Variants in SLC22A14 observed in about 807,000 individuals in gnomAD.
The protein encoded by SLC22A14 is solute carrier family 22 member 14.
A neutral mutation model predicts 53.9 loss-of-function variants in SLC22A14; 50 were observed. The ratio of observed to expected loss-of-function variants is 0.93; its 90% CI spans 0.74 to 1.17. The LOEUF is 1.17. Among genes scored for constraint, SLC22A14 ranks in the 50% most tolerant of loss-of-function variants. SLC22A14 has a pLI of 0.00. For missense variants in SLC22A14, 671 were observed against 734.7 expected (o/e 0.91, Z 1.00); for synonymous variants, 312 against 303.0 (o/e 1.03, Z -0.31).
rs1160114651 is a variant in SLC22A14 at position 38,316,543 on chromosome 3, T to C, written c.1733+19T>C. The C allele has an allele frequency of 1.9e-6, 3 of 1,609,952 alleles. No individual in the cohort carries two copies. The highest frequency in any genetic ancestry group is 1.1e-5 in the South Asian group (1 of 90,916). ...AGATAAGGTAGGTGTGGGAGCCTCC[T>C]GGGCTGTGCCAGCACGGGGCCTGGC... On this transcript the variant is annotated intron_variant, in intron 10 of 10. Coordinates refer to ENST00000448498, the MANE Select transcript of SLC22A14 (RefSeq NM_001320033.2).
intron 1 of SLC22A14, among the ~76,000 whole-genome samples, chr3:38,284,697 GA>G (rs971873237): frequency 2.0e-4 from 30 of 152,104 alleles, no homozygotes; most frequent in Admixed American, 1.8e-3. Context: ...ATACATGGAA[GA>G]ATGTCCCCTT....
At chr3:38,312,561 A>G (rs1280943801) in intron 5 of SLC22A14, among the ~76,000 whole-genome samples, 1 of 152,160 alleles carries the variant, frequency 6.6e-6, no homozygotes, top group Non-Finnish European at 1.5e-5. Context: ...CTGCCCCCTC[A>G]CACTCCTCAG....
rs818817 is a variant in SLC22A14, at chr3:38,309,052, A to G, written c.874A>G (p.Ser292Gly). 1,392,177 of 1,613,270 alleles carry G rather than the reference A, an allele frequency of 0.86. 601,582 individuals carry two copies. The highest frequency in any genetic ancestry group is 0.88 in the African/African-American group (65,720 of 75,018). The change falls in exon 5 of 11, where the codon AGT becomes GGT. Residue 292 changes from serine (S) to glycine (G), a missense_variant. By Grantham distance (56) the Ser-to-Gly change is moderately conservative (BLOSUM62 0). Coordinates refer to ENST00000448498, the MANE Select transcript of SLC22A14 (RefSeq NM_001320033.2). Reference protein sequence around the residue: ...GAVLLTGIAYSLPHWQLLFLV... With the variant: ...GAVLLTGIAYGLPHWQLLFLV... ...CGTGTTGCTGACAGGGATCGCCTAC[A>G]GTCTTCCCCACTGGCAGCTGCTGTT...
upstream of SLC22A14, among the ~76,000 whole-genome samples, chr3:38,281,173 C>T (rs1183920715): frequency 6.6e-6 from 1 of 152,150 alleles, no homozygotes; most frequent in Non-Finnish European, 1.5e-5. Flanking sequence ...TCTGATGCCC[C>T]AGATACCAAT....
At chr3:38,285,599 C>T (rs561884376) in intron 1 of SLC22A14, among the ~76,000 whole-genome samples, 37 of 152,338 alleles carry the variant, frequency 2.4e-4, no homozygotes, top group African/African-American at 8.7e-4. Context: ...TTTTGAGACT[C>T]ATACAGGTTG....
intron 1 of SLC22A14, among the ~76,000 whole-genome samples, chr3:38,285,409 G>A (rs1185133142): frequency 1.3e-5 from 2 of 152,142 alleles, no homozygotes; most frequent in African/African-American, 2.4e-5. Context: ...CCTCTTCCTT[G>A]ACATCATTCC....
At position 38,318,328 on chromosome 3, in the gene SLC22A14, G is replaced by A; in HGVS notation, c.*79G>A. On this transcript the variant is annotated 3_prime_UTR_variant, in exon 11 of 11. Transcript: ENST00000448498. Reference sequence around the variant, plus strand: ...ACCCTGTCTCCAACCCTGCCTTGAAGCAATTCAATAAAGAGGAAGCAAACA... The same window carrying A: ...ACCCTGTCTCCAACCCTGCCTTGAAACAATTCAATAAAGAGGAAGCAAACA... The A allele has an allele frequency of 1.5e-6, 2 of 1,345,042 alleles. No individual in the cohort carries two copies. The highest frequency in any genetic ancestry group is 2.3e-5 in the South Asian group (2 of 85,494). The allele number at this position is 1,345,042 out of a possible 1,614,324, so 83.3% of individuals were successfully genotyped here.
chr3:38,310,052 C>A (rs1704425680), intron 5 of SLC22A14, among the ~76,000 whole-genome samples: 1 of 152,078 alleles, frequency 6.6e-6, no homozygotes, highest in Admixed American at 6.5e-5. Context: ...TTTAACTGTA[C>A]CATATGTAGT....
intron 1 of SLC22A14, among the ~76,000 whole-genome samples, chr3:38,287,857 C>T (rs1405227556): frequency 1.3e-5 from 2 of 149,060 alleles, no homozygotes; most frequent in Non-Finnish European, 3.0e-5. Context: ...ACTTTTCTTT[C>T]TTCATATATT....
chr3:38,306,462 C>T lies in SLC22A14; in HGVS notation c.436C>T (p.Gln146Ter). The T allele has an allele frequency of 6.2e-7, 1 of 1,614,164 alleles. No individual in the cohort carries two copies. Among genetic ancestry groups the T allele is most frequent in the Non-Finnish European group, 8.5e-7 (1 of 1,180,018 alleles). The part of the protein sequence containing the change: ...PVPWNLDSII[Q>*]FGLNDTDTCQ... Reference sequence around the variant, plus strand: ...GCCTTGGAATCTGGATTCTATCATCCAGTTTGGCCTCAATGACACAGACAC... The same window carrying T: ...GCCTTGGAATCTGGATTCTATCATCTAGTTTGGCCTCAATGACACAGACAC... The change falls in exon 2 of 11, where the codon CAG becomes TAG. Residue 146 changes from glutamine (Q) to a stop codon, truncating the protein, a stop_gained. Transcript: ENST00000448498. LOFTEE classifies it high-confidence loss of function.
intron 1 of SLC22A14, 118 bp downstream of exon 1, chr3:38,282,457 T>C (rs1444242): frequency 6.6e-6 from 1 of 152,384 alleles, no homozygotes; most frequent in Non-Finnish European, 1.5e-5. Context: ...AGCACAGGTG[T>C]GGACAGGAGC....
At chr3:38,290,471 A>T (rs1298731707) in intron 1 of SLC22A14, among the ~76,000 whole-genome samples, 1 of 152,210 alleles carries the variant, frequency 6.6e-6, no homozygotes, top group Non-Finnish European at 1.5e-5. Flanking sequence ...AGAGACAGGG[A>T]TTGAAATGTA....
chr3:38,305,841 T>G (rs988835264), intron 1 of SLC22A14, 186 bp from the exon 2 acceptor site: 6 of 614,756 alleles, frequency 9.8e-6, no homozygotes, highest in Non-Finnish European at 1.7e-5. Flanking sequence ...TCCAGGATGG[T>G]TGGGCCAGGG....
At chr3:38,282,959 G>A (rs1703705678) in intron 1 of SLC22A14, among the ~76,000 whole-genome samples, 1 of 152,150 alleles carries the variant, frequency 6.6e-6, no homozygotes, top group Non-Finnish European at 1.5e-5. Context: ...TTATGGTTTT[G>A]GAGGTCAGAA....
At chr3:38,298,062 T>C (rs910769073) in intron 1 of SLC22A14, among the ~76,000 whole-genome samples, 1 of 152,210 alleles carries the variant, frequency 6.6e-6, no homozygotes, top group Non-Finnish European at 1.5e-5. Flanking sequence ...TATTCACTTA[T>C]TTATATTATT....
chr3:38,318,546 A>C lies in SLC22A14; in HGVS notation c.*297A>C. 8.5e-6 allele frequency: 3 copies of C among 353,910 alleles called. No homozygotes were observed. The South Asian group carries it at 1.4e-4, about 17-fold the overall frequency. The allele number at this position is 353,910 out of a possible 1,614,324, so 21.9% of individuals were successfully genotyped here. ...TTCTGCAGGAGCTCTGCTGTGATTC[A>C]TTCCAATAAAGGTACAATGTTGGTC... On this transcript the variant is annotated 3_prime_UTR_variant, in exon 11 of 11. Transcript: ENST00000448498.
At chr3:38,318,098 T>G in intron 10 of SLC22A14, 100 bp from the exon 11 acceptor site, 1 of 1,090,666 alleles carries the variant, frequency 9.2e-7, no homozygotes, top group Non-Finnish European at 1.4e-6. Flanking sequence ...CCTCACCTCT[T>G]GGGAACGCAG....
Position 38,315,641 on chromosome 3 carries a change from G to A in SLC22A14, c.1462G>A (p.Glu488Lys). The change falls in exon 9 of 11, where the codon GAG (glutamate) becomes AAG (lysine). Residue 488 changes from glutamate (E) to lysine (K), a missense_variant. Transcript: ENST00000448498. ...SMTILVLMLR[E>K]FSLAATVTVF... is the part of the protein sequence containing the mutation. ...GACGATCTTGGTGCTCATGCTCAGA[G>A]AGTTCAGCCTGGCCGCCACTGTCAC... 1 of 1,614,152 alleles carries A rather than the reference G, an allele frequency of 6.2e-7. No homozygotes were observed. Among genetic ancestry groups the A allele is most frequent in the Non-Finnish European group, 8.5e-7 (1 of 1,180,022 alleles).
intron 1 of SLC22A14, among the ~76,000 whole-genome samples, chr3:38,295,768 CTCTG>C (rs752999208): frequency 1.1e-4 from 14 of 133,150 alleles, no homozygotes; most frequent in Admixed American, 6.0e-4. Context: ...TCTCTCTCCT[CTCTG>C]TCTGTCTCTG....
Sources: gnomAD v4.1 joint callset for allele counts (sites outside exome capture counted in the v4.1 genomes callset) on GRCh38, gnomAD v4.1.1 for gene constraint, MANE v1.5 for transcripts, NCBI Gene and HGNC (gene_info 2026-07-23, HGNC 2026-07-21) for gene names.